DNAJC3: variants seen among roughly 807,000 people sequenced by gnomAD.
DNAJC3 encodes DnaJ heat shock protein family (Hsp40) member C3.
In DNAJC3, 38 loss-of-function variants were observed where a neutral mutation model predicts 68.6. The observed-to-expected ratio is 0.55, with a 90% confidence interval of 0.43 to 0.73. The LOEUF is 0.73. Ranked by LOEUF, DNAJC3 falls within the 30% of genes least tolerant of loss-of-function variation. DNAJC3 has a pLI of 0.00. For synonymous variants in DNAJC3, 203 were observed against 204.0 expected (o/e 1.00, Z 0.04); for missense variants, 526 against 591.9 (o/e 0.89, Z 1.16).
At chr13:95,779,797 G>GT (rs1883398338) in intron 9 of DNAJC3, among the ~76,000 whole-genome samples, 1 of 152,064 alleles carries the variant, frequency 6.6e-6, no homozygotes, top group African/African-American at 2.4e-5. Context: ...CTCTGGTTTT[G>GT]TTTTTCTGAT....
chr13:95,684,672 C>G (rs773978220), intron 1 of DNAJC3, among the ~76,000 whole-genome samples: 1 of 152,232 alleles, frequency 6.6e-6, no homozygotes, highest in Non-Finnish European at 1.5e-5. Context: ...GCAGCTCCTT[C>G]TATCATAGGC....
chr13:95,716,761 CTCT>C (rs1176345365), intron 2 of DNAJC3, among the ~76,000 whole-genome samples: 7 of 152,200 alleles, frequency 4.6e-5, no homozygotes, highest in South Asian at 2.1e-4. Context: ...TGCTGGTATG[CTCT>C]TCTTCTCCTC....
At position 95,718,723 on chromosome 13, in the gene DNAJC3, G is replaced by GT. The variant is rs1881229527; in HGVS notation, c.194-4518dup. On this transcript the variant is annotated intron_variant, in intron 2 of 11. Coordinates refer to ENST00000602402, the MANE Select transcript of DNAJC3 (RefSeq NM_006260.5). Reference sequence around the variant, plus strand: ...GCCAGAAAATTGATTCTTGATTCATGTGTTAAACTATTGTCATTTGATTCT... The same window carrying GT: ...GCCAGAAAATTGATTCTTGATTCATGTTGTTAAACTATTGTCATTTGATTCT... Among the ~76,000 whole-genome samples, 7 of 152,284 alleles carry GT rather than the reference G, an allele frequency of 4.6e-5. No individual in the cohort carries two copies. The South Asian group carries it at 1.5e-3, about 32-fold the overall frequency.
intron 2 of DNAJC3, among the ~76,000 whole-genome samples, chr13:95,715,240 A>G (rs2139632694): frequency 6.6e-6 from 1 of 152,260 alleles, no homozygotes; most frequent in East Asian, 1.9e-4. Flanking sequence ...TACAAAAGTA[A>G]AATAAAAACA....
At chr13:95,716,019 G>A (rs1210186277) in intron 2 of DNAJC3, among the ~76,000 whole-genome samples, 2 of 151,894 alleles carry the variant, frequency 1.3e-5, no homozygotes, top group Non-Finnish European at 2.9e-5. Context: ...TTAACCGGGC[G>A]TGGTGGCAGG....
At chr13:95,747,048 A>G (rs945684263) in intron 4 of DNAJC3, among the ~76,000 whole-genome samples, 5 of 152,306 alleles carry the variant, frequency 3.3e-5, no homozygotes, top group East Asian at 1.9e-4. Flanking sequence ...GCAGTTTTCC[A>G]TGAGATCCAA....
chr13:95,787,370 T>C (rs1424959450), intron 11 of DNAJC3, among the ~76,000 whole-genome samples: 2 of 152,192 alleles, frequency 1.3e-5, no homozygotes, highest in Non-Finnish European at 2.9e-5. Flanking sequence ...AAATGTGGAA[T>C]CAGAGGGCCT....
chr13:95,779,300 T>A (rs1883377885), intron 9 of DNAJC3, among the ~76,000 whole-genome samples: 1 of 151,730 alleles, frequency 6.6e-6, no homozygotes, highest in Admixed American at 6.6e-5. Context: ...ATTTTTTCTA[T>A]TTTTTAGTAG....
chr13:95,706,391 T>C (rs745416859), intron 1 of DNAJC3, among the ~76,000 whole-genome samples: 1 of 152,256 alleles, frequency 6.6e-6, no homozygotes, highest in Admixed American at 6.5e-5. Flanking sequence ...TGTAGTGTTA[T>C]ATTTCACCCT....
intron 4 of DNAJC3, among the ~76,000 whole-genome samples, chr13:95,753,274 A>AC (rs1206800890): frequency 6.6e-6 from 1 of 151,848 alleles, no homozygotes; most frequent in Admixed American, 6.6e-5. Flanking sequence ...TCAGTCGCTC[A>AC]CCCCCTGACT....
intron 7 of DNAJC3, among the ~76,000 whole-genome samples, chr13:95,761,522 A>C (rs1246826507): frequency 1.3e-5 from 2 of 152,150 alleles, no homozygotes; most frequent in African/African-American, 4.8e-5. Context: ...CATCTTGCAG[A>C]CTATAACGCC....
At chr13:95,686,182 TGATCTCCC>T (rs1280183026) in intron 1 of DNAJC3, among the ~76,000 whole-genome samples, 3 of 152,162 alleles carry the variant, frequency 2.0e-5, no homozygotes, top group Non-Finnish European at 4.4e-5. Context: ...AGAATGGTCT[TGATCTCCC>T]GACCTTGTGA....
rs936379143 is a variant in DNAJC3 at position 95,677,348 on chromosome 13, C to A, written c.82+11C>A. ...ATCTGCAGTACGAAGGTGAGTCCTG[C>A]CCTGCCCCGGCCAGGAAGTGGGCTC... On this transcript the variant is annotated intron_variant, in intron 1 of 11. Transcript: ENST00000602402. The A allele has an allele frequency of 6.3e-7, 1 of 1,581,606 alleles. No individual in the cohort carries two copies. The highest frequency in any genetic ancestry group is 1.4e-5 in the African/African-American group (1 of 71,306).
At chr13:95,776,720 T>C (rs1272614301) in intron 9 of DNAJC3, among the ~76,000 whole-genome samples, 1 of 152,206 alleles carries the variant, frequency 6.6e-6, no homozygotes, top group Non-Finnish European at 1.5e-5. Context: ...GAAAATTTAG[T>C]GTACTTCCTC....
chr13:95,678,490 A>G (rs1470841883), intron 1 of DNAJC3, among the ~76,000 whole-genome samples: 2 of 152,178 alleles, frequency 1.3e-5, no homozygotes, highest in African/African-American at 4.8e-5. Context: ...GTGTGGCAAC[A>G]TTGGGACAAA....
chr13:95,790,500 G>C (rs2139702208), intron 11 of DNAJC3, among the ~76,000 whole-genome samples: 1 of 152,288 alleles, frequency 6.6e-6, no homozygotes, highest in African/African-American at 2.4e-5. Context: ...TTGGGGATTA[G>C]GGTGGTGAGC....
intron 1 of DNAJC3, among the ~76,000 whole-genome samples, chr13:95,680,653 T>C (rs548730015): frequency 1.3e-4 from 20 of 152,212 alleles, no homozygotes; most frequent in Non-Finnish European, 2.4e-4. Context: ...GCTGAGAAAC[T>C]GCCTGGAAAT....
chr13:95,726,791 A>G (rs1435430385), intron 4 of DNAJC3, among the ~76,000 whole-genome samples: 1 of 152,166 alleles, frequency 6.6e-6, no homozygotes. Context: ...TATTATTTGC[A>G]TTTTTTATAG....
intron 9 of DNAJC3, among the ~76,000 whole-genome samples, chr13:95,781,453 A>G (rs1338123222): frequency 6.6e-6 from 1 of 152,016 alleles, no homozygotes; most frequent in Non-Finnish European, 1.5e-5. Context: ...TAGGTTTATT[A>G]CTAATGTGCT....
Sources: gnomAD v4.1 joint callset for allele counts (sites outside exome capture counted in the v4.1 genomes callset) on GRCh38, gnomAD v4.1.1 for gene constraint, MANE v1.5 for transcripts, NCBI Gene and HGNC (gene_info 2026-07-23, HGNC 2026-07-21) for gene names.